MICU1: variants seen among roughly 807,000 people sequenced by gnomAD.
The protein encoded by MICU1 is calcium uptake protein 1, mitochondrial.
MICU1 carries 45 observed loss-of-function variants against 56.8 expected under a neutral mutation model. The observed-to-expected ratio is 0.79, with a 90% CI of 0.62 to 1.02. The LOEUF (loss-of-function observed/expected upper bound fraction) is 1.02, where lower values mean the gene tolerates loss of function less well. Ranked by LOEUF, MICU1 falls within the 50% of genes least tolerant of loss-of-function variation. The pLI, the probability that MICU1 is intolerant of heterozygous loss-of-function variation, is 0.00. For missense variants in MICU1, 504 were observed against 587.1 expected (o/e 0.86, Z 1.46); for synonymous variants, 186 against 195.1 (o/e 0.95, Z 0.39).
chr10:72,537,864 C>T (rs1839675927), intron 4 of MICU1, among the ~76,000 whole-genome samples: 1 of 152,086 alleles, frequency 6.6e-6, no homozygotes, highest in South Asian at 2.1e-4. Context: ...TGGCAACTGA[C>T]TTTGTCAAAC....
chr10:72,564,110 A>T (rs1446220474), intron 2 of MICU1, among the ~76,000 whole-genome samples: 1 of 152,230 alleles, frequency 6.6e-6, no homozygotes, highest in Non-Finnish European at 1.5e-5. Flanking sequence ...AAATACAAAA[A>T]GAAGACTTTT....
intron 1 of MICU1, among the ~76,000 whole-genome samples, chr10:72,606,322 GC>G (rs1231796909): frequency 6.6e-6 from 1 of 151,882 alleles, no homozygotes; most frequent in African/African-American, 2.4e-5. Context: ...GACCAGCCCG[GC>G]CAACACAGTG....
At chr10:72,419,099 T>C (rs1030245180) in intron 9 of MICU1, among the ~76,000 whole-genome samples, 4 of 152,232 alleles carry the variant, frequency 2.6e-5, no homozygotes, top group African/African-American at 9.6e-5. Context: ...ATGCCCCTTA[T>C]TGCTTTTAAG....
intron 1 of MICU1, among the ~76,000 whole-genome samples, chr10:72,623,232 T>C (rs1470395900): frequency 7.3e-6 from 1 of 136,630 alleles, no homozygotes. Context: ...AATCGCGCCA[T>C]TGCACTGTAG....
intron 8 of MICU1, chr10:72,473,209 T>C (rs542739168): frequency 2.6e-5 from 4 of 152,186 alleles, no homozygotes; most frequent in South Asian, 2.1e-4. Context: ...GAAAGATTGA[T>C]AAAAACAAGT....
At chr10:72,608,825 G>A (rs948733840) in intron 1 of MICU1, among the ~76,000 whole-genome samples, 1 of 152,130 alleles carries the variant, frequency 6.6e-6, no homozygotes, top group Non-Finnish European at 1.5e-5. Context: ...GCACCCAACT[G>A]TTCAAACCAA....
chr10:72,404,557 G>T (rs796769087), intron 10 of MICU1, among the ~76,000 whole-genome samples: 1 of 132,874 alleles, frequency 7.5e-6, no homozygotes, highest in Non-Finnish European at 1.5e-5. Flanking sequence ...TTTTAAAAAA[G>T]AAAGAGAATT....
At chr10:72,488,057 G>A (rs1040326846) in intron 6 of MICU1, among the ~76,000 whole-genome samples, 1 of 151,650 alleles carries the variant, frequency 6.6e-6, no homozygotes, top group Non-Finnish European at 1.5e-5. Flanking sequence ...TTAGCCAGGC[G>A]TGGTGGCACA....
In MICU1 at chr10:72,570,820, C is replaced by G. The variant is rs117453095; in HGVS notation, c.-1-4026G>C. Among the ~76,000 whole-genome samples, 306 of 152,182 alleles carry G rather than the reference C, an allele frequency of 2.0e-3. 7 individuals are homozygous for G. In the East Asian group the frequency reaches 0.05, roughly 25 times the overall value. On this transcript the variant is annotated intron_variant, in intron 1 of 11. Transcript: ENST00000361114. Reference sequence around the variant, plus strand: ...GCACATACTCTAGCAAAATCCAGCACCCAGGAGGCTGTCCATTATATTTTC... The same window carrying G: ...GCACATACTCTAGCAAAATCCAGCAGCCAGGAGGCTGTCCATTATATTTTC...
At chr10:72,567,964 T>C (rs1013698542) in intron 1 of MICU1, among the ~76,000 whole-genome samples, 2 of 152,066 alleles carry the variant, frequency 1.3e-5, no homozygotes, top group African/African-American at 2.4e-5. Context: ...ATTTTACAGA[T>C]CTAAAATATA....
chr10:72,493,799 C>T (rs191195404), intron 6 of MICU1, among the ~76,000 whole-genome samples: 3 of 152,206 alleles, frequency 2.0e-5, no homozygotes, highest in African/African-American at 7.2e-5. Context: ...CATCATTATA[C>T]ATGTGATTAT....
chr10:72,367,883 G>T lies in MICU1; in HGVS notation c.*312C>A. The T allele has an allele frequency of 3.5e-6, 1 of 286,858 alleles. No individual in the cohort carries two copies. 17.8% of individuals were successfully genotyped at this position (286,858 alleles called of 1,614,324 possible). On this transcript the variant is annotated 3_prime_UTR_variant, in exon 12 of 12. Coordinates refer to ENST00000361114, the MANE Select transcript of MICU1 (RefSeq NM_001195518.2). ...GATGCTTCCCAGGGTTGGCAGGTGTGTGGATGGTTCCCTGAATTCTTTATC... is the reference window on the plus strand; with the variant it reads ...GATGCTTCCCAGGGTTGGCAGGTGTTTGGATGGTTCCCTGAATTCTTTATC...
chr10:72,524,420 A>G (rs981355050), intron 5 of MICU1, among the ~76,000 whole-genome samples: 1 of 152,224 alleles, frequency 6.6e-6, no homozygotes, highest in African/African-American at 2.4e-5. Context: ...AAGACTATTT[A>G]AGTGACTCAA....
chr10:72,496,517 G>A (rs1866851123), intron 6 of MICU1, among the ~76,000 whole-genome samples: 2 of 152,152 alleles, frequency 1.3e-5, no homozygotes. Context: ...GGCCAGGCTG[G>A]TCTTGAACTC....
In MICU1 at chr10:72,603,744, T is replaced by C. The variant is rs566809339; in HGVS notation, c.-2+22266A>G. ...ACTTGAACCTGGGAGGCAGAGGTTGTGGTGAGCTGAAATCATGCCATTGCA... is the reference window on the plus strand; with the variant it reads ...ACTTGAACCTGGGAGGCAGAGGTTGCGGTGAGCTGAAATCATGCCATTGCA... On this transcript the variant is annotated intron_variant, in intron 1 of 11. Coordinates refer to ENST00000361114, the MANE Select transcript of MICU1 (RefSeq NM_001195518.2). Among the ~76,000 whole-genome samples the C allele has an allele frequency of 8.5e-5, 13 of 152,094 alleles. No individual in the cohort carries two copies. The South Asian group carries it at 2.7e-3, about 32-fold the overall frequency.
chr10:72,492,292 G>A (rs918283051), intron 6 of MICU1, among the ~76,000 whole-genome samples: 1 of 152,076 alleles, frequency 6.6e-6, no homozygotes. Flanking sequence ...GAAAAGCAAG[G>A]GGGAAAAAGC....
At chr10:72,538,221 C>T (rs1193814679) in intron 4 of MICU1, among the ~76,000 whole-genome samples, 1 of 151,918 alleles carries the variant, frequency 6.6e-6, no homozygotes, top group African/African-American at 2.4e-5. Flanking sequence ...AAAATCAACA[C>T]AAACAAAATA....
intron 1 of MICU1, among the ~76,000 whole-genome samples, chr10:72,577,892 C>A (rs1840791013): frequency 6.6e-6 from 1 of 152,044 alleles, no homozygotes; most frequent in South Asian, 2.1e-4. Flanking sequence ...AAACCTACTC[C>A]CAGTGAAGAT....
At chr10:72,451,671 T>C (rs895938547) in intron 8 of MICU1, among the ~76,000 whole-genome samples, 3 of 152,000 alleles carry the variant, frequency 2.0e-5, no homozygotes, top group Non-Finnish European at 4.4e-5. Flanking sequence ...GCCTCCCACG[T>C]AGTTGGGATT....
Sources: gnomAD v4.1 joint callset for allele counts (sites outside exome capture counted in the v4.1 genomes callset) on GRCh38, gnomAD v4.1.1 for gene constraint, MANE v1.5 for transcripts, NCBI Gene and HGNC (gene_info 2026-07-23, HGNC 2026-07-21) for gene names.